The following FAR2 variants were observed in gnomAD, a reference collection of about 807,000 sequenced individuals.
FAR2 encodes fatty acyl-CoA reductase 2.
A neutral mutation model predicts 56.0 loss-of-function variants in FAR2; 19 were observed. The ratio of observed to expected loss-of-function variants is 0.34; its 90% CI spans 0.24 to 0.50. FAR2 has a LOEUF of 0.50. Among genes scored for constraint, FAR2 ranks in the 20% least tolerant of loss-of-function variants. The pLI, the probability that FAR2 is intolerant of heterozygous loss-of-function variation, is 0.98. For synonymous variants in FAR2, 219 were observed against 218.8 expected, an observed-to-expected ratio of 1.00 and a Z score of -0.01; for missense variants, 508 against 642.2, an observed-to-expected ratio of 0.79 and a Z score of 2.26.
At chr12:29,264,719 GA>G (rs1948484522) in intron 1 of FAR2, among the ~76,000 whole-genome samples, 1 of 151,644 alleles carries the variant, frequency 6.6e-6, no homozygotes, top group African/African-American at 2.4e-5. Flanking sequence ...AGCTAAATTG[GA>G]AAGGAAGAAG....
In FAR2 at chr12:29,260,943, C is replaced by A. The variant is rs1223773069; in HGVS notation, c.-38-9469C>A. Among the ~76,000 whole-genome samples the A allele has an allele frequency of 2.0e-5, 3 of 152,168 alleles. No homozygotes were observed. The East Asian group carries it at 5.8e-4, about 29-fold the overall frequency. ...ACAGTGTTGCTGGGTTTGGGGTACT[C>A]CCTAATGCAGTAAGGCTGCAGTGAC... On this transcript the variant is annotated intron_variant, in intron 1 of 11. Coordinates refer to ENST00000536681, the MANE Select transcript of FAR2 (RefSeq NM_001271783.2).
chr12:29,200,298 G>T (rs1947390198), intron 1 of FAR2, among the ~76,000 whole-genome samples: 2 of 152,210 alleles, frequency 1.3e-5, no homozygotes, highest in Admixed American at 1.3e-4. Flanking sequence ...CATGAGGCCA[G>T]CAGTGAAAAA....
intron 1 of FAR2, among the ~76,000 whole-genome samples, chr12:29,247,609 A>G (rs1439813823): frequency 6.6e-6 from 1 of 152,204 alleles, no homozygotes; most frequent in Non-Finnish European, 1.5e-5. Flanking sequence ...TGAATAACAC[A>G]TTGAGATACG....
chr12:29,201,535 A>T (rs1374890377), intron 1 of FAR2, among the ~76,000 whole-genome samples: 1 of 152,210 alleles, frequency 6.6e-6, no homozygotes, highest in African/African-American at 2.4e-5. Flanking sequence ...AGTCCGGGGC[A>T]TAAATGGAGG....
At chr12:29,232,742 A>G (rs549355363) in intron 1 of FAR2, among the ~76,000 whole-genome samples, 20 of 151,440 alleles carry the variant, frequency 1.3e-4, no homozygotes, top group Non-Finnish European at 2.4e-4. Flanking sequence ...CTGAGTCCCT[A>G]TCTTCCTCTT....
chr12:29,192,903 A>C lies in FAR2; in HGVS notation c.-39+43496A>C, dbSNP rs564995815. On this transcript the variant is annotated intron_variant, in intron 1 of 11. Coordinates refer to ENST00000536681, the MANE Select transcript of FAR2 (RefSeq NM_001271783.2). ...AACAAATGCTTCGGTTTCTTTAGTG[A>C]CAATTTTTGTATTTATATACAAATG... Among the ~76,000 whole-genome samples, 3 of 152,292 alleles carry C rather than the reference A, an allele frequency of 2.0e-5. No homozygotes were observed. In the East Asian group the frequency reaches 5.8e-4, roughly 29 times the overall value.
chr12:29,311,756 C>G, intron 7 of FAR2, 127 bp from the exon 8 acceptor site: 1 of 617,268 alleles, frequency 1.6e-6, no homozygotes, highest in South Asian at 2.2e-5. Flanking sequence ...ACGATGGAAG[C>G]CTTTCATAGG....
chr12:29,199,400 C>T (rs561043279), intron 1 of FAR2, among the ~76,000 whole-genome samples: 2 of 151,624 alleles, frequency 1.3e-5, no homozygotes, highest in South Asian at 2.1e-4. Flanking sequence ...GAGTTTGAGA[C>T]CATCCTGGCC....
At chr12:29,188,929 CCTT>C (rs923663744) in intron 1 of FAR2, among the ~76,000 whole-genome samples, 88 of 152,110 alleles carry the variant, frequency 5.8e-4, no homozygotes, top group African/African-American at 2.0e-3. Flanking sequence ...GGTGATGTGT[CCTT>C]CTTATCATAT....
intron 1 of FAR2, among the ~76,000 whole-genome samples, chr12:29,230,670 A>T (rs1459127673): frequency 5.3e-5 from 8 of 152,028 alleles, no homozygotes; most frequent in Non-Finnish European, 1.5e-5. Context: ...ATGTGATCAG[A>T]GATGTGGTTG....
intron 1 of FAR2, among the ~76,000 whole-genome samples, chr12:29,212,183 C>A (rs536744524): frequency 6.6e-6 from 1 of 152,078 alleles, no homozygotes; most frequent in East Asian, 1.9e-4. Context: ...TTATATGAAT[C>A]TAATCCTGAG....
At chr12:29,204,109 C>A (rs1019026829) in intron 1 of FAR2, among the ~76,000 whole-genome samples, 1 of 150,960 alleles carries the variant, frequency 6.6e-6, no homozygotes, top group Admixed American at 6.6e-5. Flanking sequence ...AATAACTTGG[C>A]AAGTAGCACA....
At chr12:29,327,601 A>G (rs917726588) in intron 10 of FAR2, among the ~76,000 whole-genome samples, 8 of 152,218 alleles carry the variant, frequency 5.3e-5, no homozygotes, top group African/African-American at 1.7e-4. Context: ...ACAATGCTGC[A>G]TATCTACAAC....
At chr12:29,274,298 G>T (rs1839714902) in intron 2 of FAR2, among the ~76,000 whole-genome samples, 1 of 149,348 alleles carries the variant, frequency 6.7e-6, no homozygotes, top group South Asian at 2.1e-4. Context: ...GTGGTGTTTG[G>T]TTTTTTGTCC....
At chr12:29,252,269 G>A (rs1948226158) in intron 1 of FAR2, among the ~76,000 whole-genome samples, 1 of 152,146 alleles carries the variant, frequency 6.6e-6, no homozygotes, top group Admixed American at 6.5e-5. Context: ...ATGGAAAATT[G>A]CAATGACCCA....
chr12:29,334,980 T>C lies in FAR2; in HGVS notation c.*1186T>C, dbSNP rs1252624432. The C allele has an allele frequency of 1.3e-5, 2 of 152,192 alleles. No homozygotes were observed. Among genetic ancestry groups the C allele is most frequent in the Non-Finnish European group, 2.9e-5 (2 of 68,028 alleles). The allele number at this position is 152,192 out of a possible 1,614,324, so 9.4% of individuals were successfully genotyped here. A position where few individuals can be genotyped will look rare whatever the true frequency, so the allele number is the denominator to read the frequency against. ...ATAATAATGTAACTGTTACACCAAC[T>C]TTCCTCATATTTGAGAGATGAGTAC... On this transcript the variant is annotated 3_prime_UTR_variant, in exon 12 of 12. Coordinates refer to ENST00000536681, the MANE Select transcript of FAR2 (RefSeq NM_001271783.2).
chr12:29,256,646 G>C (rs1053975165), intron 1 of FAR2, among the ~76,000 whole-genome samples: 3 of 152,256 alleles, frequency 2.0e-5, no homozygotes, highest in African/African-American at 7.2e-5. Context: ...TGTGGAGGGA[G>C]AGGCGCGGGC....
chr12:29,286,656 A>AGAT (rs1360001522), intron 2 of FAR2, among the ~76,000 whole-genome samples: 2 of 152,232 alleles, frequency 1.3e-5, no homozygotes, highest in Admixed American at 1.3e-4. Context: ...AAACATAACC[A>AGAT]GATGATGAAT....
At chr12:29,157,106 T>TATATATATATA (rs1555176819) in intron 1 of FAR2, 2 of 73,450 alleles carry the variant, frequency 2.7e-5, no homozygotes, top group East Asian at 5.4e-4. Flanking sequence ...AAAGAACATT[T>TATATATATATA]TATATATATA....
Sources: allele counts gnomAD v4.1 joint callset (sites outside exome capture counted in the v4.1 genomes callset), GRCh38; gene constraint gnomAD v4.1.1; transcripts MANE v1.5; gene names NCBI Gene and HGNC (gene_info 2026-07-23, HGNC 2026-07-21).